HGSNAT: variants seen among roughly 807,000 people sequenced by gnomAD.
HGSNAT encodes heparan-alpha-glucosaminide N-acetyltransferase.
Under a neutral mutation model 85.2 loss-of-function variants are expected in HGSNAT, and 59 were observed. The ratio of observed to expected loss-of-function variants is 0.69; its 90% CI spans 0.56 to 0.86. HGSNAT has a LOEUF of 0.86. HGSNAT is among the 40% of genes least tolerant of loss of function. The pLI is 0.00. For missense variants in HGSNAT, 756 were observed against 777.1 expected, an observed-to-expected ratio of 0.97 and a Z score of 0.32; for synonymous variants, 321 against 304.5, an observed-to-expected ratio of 1.05 and a Z score of -0.56.
chr8:43,197,579 G>A (rs1432161443), intron 15 of HGSNAT, 93 bp from the exon 16 acceptor site: 8 of 896,372 alleles, frequency 8.9e-6, no homozygotes, highest in African/African-American at 6.7e-5. Flanking sequence ...CCCTCTCTAC[G>A]TGATTAAATA....
intron 1 of HGSNAT, among the ~76,000 whole-genome samples, chr8:43,146,161 G>T (rs1015961814): frequency 6.6e-6 from 1 of 152,072 alleles, no homozygotes. Context: ...CCCAATCCAG[G>T]ATTCACTGCT....
At chr8:43,168,884 C>T (rs952684239) in intron 5 of HGSNAT, among the ~76,000 whole-genome samples, 2 of 152,152 alleles carry the variant, frequency 1.3e-5, no homozygotes, top group African/African-American at 4.8e-5. Context: ...TAGTGAGAAT[C>T]CCAGCCACGG....
chr8:43,191,994 A>C (rs1419948072), intron 12 of HGSNAT, among the ~76,000 whole-genome samples: 1 of 151,962 alleles, frequency 6.6e-6, no homozygotes, highest in African/African-American at 2.4e-5. Context: ...AGTGGCATGA[A>C]CTCGGCTCAC....
rs1172793174 is a variant in HGSNAT at position 43,170,625 on chromosome 8, A to G, written c.674A>G (p.Asp225Gly). 4 of 1,610,386 alleles carry G rather than the reference A, an allele frequency of 2.5e-6. No homozygotes were observed. The highest frequency in any genetic ancestry group is 3.4e-6 in the Non-Finnish European group (4 of 1,178,452). The change falls in exon 7 of 18, where the codon GAT (aspartate) becomes GGT (glycine). Residue 225 changes from aspartate to glycine, a missense_variant. Asp to Gly is a moderately conservative substitution (Grantham distance 94). Coordinates refer to ENST00000379644, the MANE Select transcript of HGSNAT (RefSeq NM_152419.3). ...AGCAGGACAGACCCTCTCGATGGTG[A>G]TGTTCAGCCAGCAACGTGGCGTCTA... The part of the protein sequence containing the change: ...SPSRTDPLDG[D>G]VQPATWRLSA...
intron 11 of HGSNAT, among the ~76,000 whole-genome samples, chr8:43,185,898 T>C (rs1006043235): frequency 1.3e-5 from 2 of 152,206 alleles, no homozygotes; most frequent in Non-Finnish European, 2.9e-5. Flanking sequence ...GAGATAATCA[T>C]GTGGTTTTTG....
At chr8:43,156,706 A>G (rs970661765) in intron 2 of HGSNAT, among the ~76,000 whole-genome samples, 10 of 152,274 alleles carry the variant, frequency 6.6e-5, no homozygotes, top group African/African-American at 2.4e-4. Flanking sequence ...GTTGGGTGCA[A>G]ATATATTTAT....
At chr8:43,179,312 G>C (rs1242120353) in intron 10 of HGSNAT, among the ~76,000 whole-genome samples, 1 of 150,388 alleles carries the variant, frequency 6.6e-6, no homozygotes, top group African/African-American at 2.5e-5. Flanking sequence ...CAGTAGGGGC[G>C]GCCGGGCAGA....
chr8:43,140,509 G>C lies in HGSNAT; in HGVS notation c.13G>C (p.Gly5Arg), dbSNP rs1802477571. Residue 5 changes from glycine (G) to arginine (R), a missense_variant, in exon 1 of 18, where the codon GGC (glycine) becomes CGC (arginine). By Grantham distance (125) the Gly-to-Arg change is moderately radical. Coordinates refer to ENST00000379644, the MANE Select transcript of HGSNAT (RefSeq NM_152419.3). MSGA[G>R]RALAALLLAA... ...GCGGGCGGCGGGCATGAGCGGGGCG[G>C]GCAGGGCGCTGGCCGCGCTGCTGCT... is the stretch of plus-strand genomic sequence containing the variant. 1 of 1,060,108 alleles carries C rather than the reference G, an allele frequency of 9.4e-7. No homozygotes were observed. Among genetic ancestry groups the C allele is most frequent in the Non-Finnish European group, 1.1e-6 (1 of 880,254 alleles). The allele number at this position is 1,060,108 out of a possible 1,614,324, so 65.7% of individuals were successfully genotyped here.
Position 43,196,979 on chromosome 8 carries a change from G to A in HGSNAT, c.1496G>A (p.Arg499Gln), listed in dbSNP as rs756140276. Reference sequence around the variant, plus strand: ...AAAATACTATTGTATTACAAGGCTCGGACCAAAGACATCCTGATTCGATTC... The same window carrying A: ...AAAATACTATTGTATTACAAGGCTCAGACCAAAGACATCCTGATTCGATTC... ...AGKILLYYKA[R>Q]TKDILIRFTA... Residue 499 changes from arginine (R) to glutamine (Q), a missense_variant, in exon 15 of 18, where the codon CGG (arginine) becomes CAG (glutamine). Coordinates refer to ENST00000379644, the MANE Select transcript of HGSNAT (RefSeq NM_152419.3). 3.4e-5 allele frequency: 54 copies of A among 1,611,898 alleles called. No individual in the cohort carries two copies. The East Asian group carries it at 6.0e-4, about 18-fold the overall frequency.
chr8:43,189,176 T>A (rs1046055436), intron 11 of HGSNAT, among the ~76,000 whole-genome samples: 1 of 152,198 alleles, frequency 6.6e-6, no homozygotes, highest in African/African-American at 2.4e-5. Context: ...GACAGGGACG[T>A]TTAAGTTTGC....
At position 43,158,556 on chromosome 8, in the gene HGSNAT, G is replaced by A. The variant is rs1271459159; in HGVS notation, c.235-19G>A. 2 of 1,613,688 alleles carry A rather than the reference G, an allele frequency of 1.2e-6. No homozygotes were observed. The highest frequency in any genetic ancestry group is 2.2e-5 in the East Asian group (1 of 44,892). On this transcript the variant is annotated intron_variant, in intron 2 of 17. Transcript: ENST00000379644. ...TTGAAAAACCTCTGGCGGTTGACCT[G>A]TTGTGCTTTTATTTACAGTGCTTGT...
At chr8:43,140,670 C>G (rs1195663931) in intron 1 of HGSNAT, 56 bp downstream of exon 1, 1 of 877,376 alleles carries the variant, frequency 1.1e-6, no homozygotes, top group Non-Finnish European at 1.5e-6. Flanking sequence ...CGTCTCCTCT[C>G]CGCGGCGCCG....
chr8:43,153,493 A>C (rs1359504338), intron 2 of HGSNAT, among the ~76,000 whole-genome samples: 1 of 152,192 alleles, frequency 6.6e-6, no homozygotes, highest in Non-Finnish European at 1.5e-5. Flanking sequence ...GTGCCCAGCC[A>C]ATGTACACGT....
At position 43,169,452 on chromosome 8, in the gene HGSNAT, G is replaced by A. The variant is rs73631580; in HGVS notation, c.633+210G>A. 0.014 allele frequency among the ~76,000 whole-genome samples: 2,110 copies of A among 152,290 alleles called. 44 individuals are homozygous for A. Among genetic ancestry groups the A allele is most frequent in the African/African-American group, 0.049 (2,041 of 41,550 alleles). On this transcript the variant is annotated intron_variant, in intron 6 of 17. Transcript: ENST00000379644. Reference sequence around the variant, plus strand: ...TGCTTCAGTGACATTGGAACGTTCCGCTCTATCAGGATACCTGAGGTAGAG... The same window carrying A: ...TGCTTCAGTGACATTGGAACGTTCCACTCTATCAGGATACCTGAGGTAGAG...
intron 2 of HGSNAT, among the ~76,000 whole-genome samples, chr8:43,151,365 A>G (rs186531168): frequency 6.6e-6 from 1 of 152,216 alleles, no homozygotes. Context: ...AAGCTGGAAA[A>G]ATAACGGAAC....
At chr8:43,165,044 ATTTTTTTTT>A (rs1175997527) in intron 5 of HGSNAT, among the ~76,000 whole-genome samples, 2 of 72,058 alleles carry the variant, frequency 2.8e-5, no homozygotes, top group Non-Finnish European at 5.7e-5. Context: ...CACCATGATA[ATTTTTTTTT>A]TTTTTTTTTT....
At chr8:43,162,065 G>C (rs949922234) in intron 5 of HGSNAT, among the ~76,000 whole-genome samples, 1 of 152,226 alleles carries the variant, frequency 6.6e-6, no homozygotes, top group Non-Finnish European at 1.5e-5. Context: ...TGGTAAGAGT[G>C]AATTAGTAGA....
intron 17 of HGSNAT, among the ~76,000 whole-genome samples, chr8:43,198,243 C>A (rs915215126): frequency 6.8e-6 from 1 of 146,408 alleles, no homozygotes; most frequent in African/African-American, 2.5e-5. Flanking sequence ...TGTGGAGGAG[C>A]GGAAATGATT....
chr8:43,194,610 C>A, intron 14 of HGSNAT: 1 of 737,822 alleles, frequency 1.4e-6, no homozygotes, highest in Non-Finnish European at 1.7e-6. Context: ...GCTCTCCTCC[C>A]AAGGTGGCAA....
Sources: gnomAD v4.1 joint callset for allele counts (sites outside exome capture counted in the v4.1 genomes callset) on GRCh38, gnomAD v4.1.1 for gene constraint, MANE v1.5 for transcripts, NCBI Gene and HGNC (gene_info 2026-07-23, HGNC 2026-07-21) for gene names.